Variants in PRSS48 observed in about 807,000 individuals in gnomAD.
PRSS48 encodes epidermis-specific serine protease-like protein.
In PRSS48, 21 loss-of-function variants were observed where a neutral mutation model predicts 25.6. The observed-to-expected ratio is 0.82, with a 90% CI of 0.58 to 1.18. The LOEUF is 1.18. Among genes scored for constraint, PRSS48 ranks in the 50% most tolerant of loss-of-function variants. PRSS48 has a pLI of 0.00. For synonymous variants in PRSS48, 150 were observed against 149.3 expected (o/e 1.00, Z -0.04); for missense variants, 373 against 399.3 (o/e 0.93, Z 0.56).
intron 4 of PRSS48, among the ~76,000 whole-genome samples, chr4:151,286,988 T>TAAC (rs1223508993): frequency 8.1e-6 from 1 of 123,162 alleles, no homozygotes; most frequent in Non-Finnish European, 1.7e-5. Flanking sequence ...TCAAAAATAA[T>TAAC]AATAATAATA....
chr4:151,285,816 A>G (rs1327332468), intron 4 of PRSS48, among the ~76,000 whole-genome samples: 1 of 152,062 alleles, frequency 6.6e-6, no homozygotes, highest in Non-Finnish European at 1.5e-5. Flanking sequence ...GTAGTGAGCT[A>G]TGATCACACC....
At chr4:151,280,476 CA>C (rs1188079265) in intron 2 of PRSS48, among the ~76,000 whole-genome samples, 16 of 152,212 alleles carry the variant, frequency 1.1e-4, no homozygotes, top group African/African-American at 3.9e-4. Flanking sequence ...CAATGGTACT[CA>C]ACTAAGTCAC....
intron 4 of PRSS48, among the ~76,000 whole-genome samples, chr4:151,288,173 T>C (rs1249141826): frequency 6.6e-6 from 1 of 152,090 alleles, no homozygotes; most frequent in African/African-American, 2.4e-5. Context: ...GCTAAAATAC[T>C]TCGTGGTAAA....
At chr4:151,290,244 C>T (rs72967580) in intron 4 of PRSS48, among the ~76,000 whole-genome samples, 3,240 of 152,188 alleles carry the variant, frequency 0.021, 124 homozygotes, top group African/African-American at 0.074. Flanking sequence ...CATGCTGGGC[C>T]ATAGAAGCAT....
At chr4:151,289,709 A>T (rs2150017494) in intron 4 of PRSS48, among the ~76,000 whole-genome samples, 1 of 152,328 alleles carries the variant, frequency 6.6e-6, no homozygotes, top group Middle Eastern at 3.4e-3. Context: ...CACAGGTTAA[A>T]CATAGAATTA....
At chr4:151,286,184 G>GA (rs56850648) in intron 4 of PRSS48, among the ~76,000 whole-genome samples, 26,795 of 86,494 alleles carry the variant, frequency 0.31, 3,941 homozygotes, top group Middle Eastern at 0.37. Context: ...CTGTCTTAAA[G>GA]AAAAAAAAAA....
At chr4:151,282,014 T>G in intron 2 of PRSS48, 134 bp from the exon 3 acceptor site, 1 of 850,690 alleles carries the variant, frequency 1.2e-6, no homozygotes, top group Admixed American at 2.2e-5. Context: ...CAACCCTAGT[T>G]GAAGTTGGAA....
exon 5 of PRSS48, chr4:151,291,192 A>G: frequency 1.9e-6 from 3 of 1,613,742 alleles, no homozygotes; most frequent in Non-Finnish European, 2.5e-6. Flanking sequence ...GCTGGGGATT[A>G]GAATGTGGTA....
chr4:151,291,020 T>G, intron 4 of PRSS48, 98 bp from the exon 5 acceptor site: 1 of 854,032 alleles, frequency 1.2e-6, no homozygotes, highest in Non-Finnish European at 1.8e-6. Context: ...GCTCCATGGG[T>G]CTCATGGCCC....
At chr4:151,289,185 G>C (rs1350819548) in intron 4 of PRSS48, among the ~76,000 whole-genome samples, 3 of 152,186 alleles carry the variant, frequency 2.0e-5, no homozygotes, top group African/African-American at 7.2e-5. Context: ...ACAACCACAT[G>C]CAAAAGAATG....
chr4:151,282,392 G>C, exon 3 of PRSS48: 1 of 1,613,826 alleles, frequency 6.2e-7, no homozygotes, highest in Middle Eastern at 1.6e-4. Flanking sequence ...GACCGGATGG[G>C]GAAAAGTTAA....
intron 4 of PRSS48, among the ~76,000 whole-genome samples, chr4:151,285,817 T>C (rs1399511972): frequency 6.6e-6 from 1 of 151,972 alleles, no homozygotes; most frequent in Non-Finnish European, 1.5e-5. Flanking sequence ...TAGTGAGCTA[T>C]GATCACACCA....
intron 2 of PRSS48, among the ~76,000 whole-genome samples, chr4:151,281,818 G>T (rs1187440323): frequency 6.6e-6 from 1 of 152,034 alleles, no homozygotes; most frequent in Non-Finnish European, 1.5e-5. Context: ...AATTAGTATG[G>T]ACAATAAACA....
At position 151,281,570 on chromosome 4, in the gene PRSS48, G is replaced by A. The variant is rs187291599; in HGVS notation, c.216-578G>A. Among the ~76,000 whole-genome samples, 11 of 152,076 alleles carry A rather than the reference G, an allele frequency of 7.2e-5. No individual in the cohort carries two copies. In the East Asian group the frequency reaches 2.1e-3, roughly 29 times the overall value. ...AAAAATCAAGAAACAGCTATATATA[G>A]GATTTCTTGAAAACACTTGAAAATT... On this transcript the variant is annotated intron_variant, in intron 2 of 4. Coordinates refer to ENST00000455694, the Ensembl canonical transcript of PRSS48.
chr4:151,282,814 GGAA>G (rs1561428959), intron 3 of PRSS48, among the ~76,000 whole-genome samples: 2 of 152,046 alleles, frequency 1.3e-5, no homozygotes, highest in Non-Finnish European at 2.9e-5. Flanking sequence ...ACATGGGAAA[GGAA>G]GAAGTTTTAG....
chr4:151,281,466 G>C (rs1055035326), intron 2 of PRSS48, among the ~76,000 whole-genome samples: 3 of 152,118 alleles, frequency 2.0e-5, no homozygotes, highest in Admixed American at 6.5e-5. Context: ...AGTGGGAGGT[G>C]GGGGGTAGAC....
chr4:151,280,487 C>T (rs1460316041), intron 2 of PRSS48, among the ~76,000 whole-genome samples: 3 of 152,220 alleles, frequency 2.0e-5, no homozygotes, highest in African/African-American at 7.2e-5. Context: ...AACTAAGTCA[C>T]ACCTGATTCC....
chr4:151,279,001 C>T (rs1773917015), intron 1 of PRSS48: 1 of 260,962 alleles, frequency 3.8e-6, no homozygotes, highest in South Asian at 5.3e-5. Flanking sequence ...GAGAACCTGT[C>T]TGTGTGCTAG....
chr4:151,281,207 G>A (rs1774191832), intron 2 of PRSS48, among the ~76,000 whole-genome samples: 1 of 152,198 alleles, frequency 6.6e-6, no homozygotes, highest in Non-Finnish European at 1.5e-5. Context: ...TGAACAAAAT[G>A]AGAGGAGATT....
Sources: allele counts gnomAD v4.1 joint callset (sites outside exome capture counted in the v4.1 genomes callset), GRCh38; gene constraint gnomAD v4.1.1; transcripts MANE v1.5; gene names NCBI Gene and HGNC (gene_info 2026-07-23, HGNC 2026-07-21).